The following REDIC1 variants were observed in gnomAD, a reference collection of about 807,000 sequenced individuals.
The protein encoded by REDIC1 is HEI10 Interacting Protein 1.
At chr12:39,713,534 G>T in the REDIC1 span, among the ~76,000 whole-genome samples, 4 of 148,556 alleles carry the variant, frequency 2.7e-5, no homozygotes, top group Non-Finnish European at 4.5e-5. Context: ...ATGTGTACAC[G>T]TACATACGTA....
the REDIC1 span, among the ~76,000 whole-genome samples, chr12:39,730,872 T>C: frequency 6.6e-6 from 1 of 152,196 alleles, no homozygotes; most frequent in African/African-American, 2.4e-5. Context: ...TTTTCTCTAA[T>C]CTTGTCTTCA....
the REDIC1 span, chr12:39,759,247 C>G: frequency 1.3e-5 from 2 of 152,232 alleles, no homozygotes; most frequent in Admixed American, 1.3e-4. Flanking sequence ...CCATAAAAAC[C>G]TTTAATCTGT....
At chr12:39,703,936 T>A in the REDIC1 span, among the ~76,000 whole-genome samples, 3 of 152,140 alleles carry the variant, frequency 2.0e-5, no homozygotes, top group Non-Finnish European at 4.4e-5. Context: ...CAAGATGGAT[T>A]AAAGACTTAA....
the REDIC1 span, among the ~76,000 whole-genome samples, chr12:39,688,612 T>A: frequency 2.6e-5 from 4 of 152,170 alleles, no homozygotes; most frequent in Non-Finnish European, 4.4e-5. Context: ...AGAGATCCAC[T>A]AAACAAATTT....
the REDIC1 span, among the ~76,000 whole-genome samples, chr12:39,878,740 G>GA: frequency 2.0e-5 from 3 of 152,172 alleles, no homozygotes; most frequent in Non-Finnish European, 4.4e-5. Context: ...GGCAGAAAAA[G>GA]AAAAAAGCTT....
the REDIC1 span, among the ~76,000 whole-genome samples, chr12:39,769,544 AG>A: frequency 0.84 from 127,344 of 151,908 alleles, 53,625 homozygotes; most frequent in African/African-American, 0.89. Flanking sequence ...AAAACATTGT[AG>A]GGTGTAGGCT....
the REDIC1 span, among the ~76,000 whole-genome samples, chr12:39,805,167 TGGACG>T: frequency 5.3e-5 from 8 of 149,914 alleles, no homozygotes; most frequent in African/African-American, 1.7e-4. Context: ...AGTTGTGTGT[TGGACG>T]TGGCCAGAAT....
At chr12:39,720,994 C>T in the REDIC1 span, 194 of 1,613,770 alleles carry the variant, frequency 1.2e-4, no homozygotes, top group African/African-American at 2.3e-3. Flanking sequence ...TCAGTTTCCA[C>T]AGTTGCAGTG....
the REDIC1 span, among the ~76,000 whole-genome samples, chr12:39,818,569 A>G: frequency 1.3e-5 from 2 of 152,200 alleles, no homozygotes; most frequent in African/African-American, 2.4e-5. Flanking sequence ...AGCTTATGTG[A>G]CATAGCCCAA....
chr12:39,627,607 C>A, the REDIC1 span, among the ~76,000 whole-genome samples: 1 of 152,230 alleles, frequency 6.6e-6, no homozygotes, highest in Admixed American at 6.5e-5. Flanking sequence ...AGGTGTACTG[C>A]AGCACCTGGA....
chr12:39,704,881 A>T, the REDIC1 span, among the ~76,000 whole-genome samples: 1 of 151,892 alleles, frequency 6.6e-6, no homozygotes, highest in Non-Finnish European at 1.5e-5. Context: ...ATGAGAACAC[A>T]TGGACACAGG....
chr12:39,666,636 A>G, the REDIC1 span, among the ~76,000 whole-genome samples: 1 of 152,150 alleles, frequency 6.6e-6, no homozygotes, highest in Non-Finnish European at 1.5e-5. Context: ...GTTTCAGAAG[A>G]AATGGTACCA....
At chr12:39,745,795 A>G in the REDIC1 span, 1 of 152,216 alleles carries the variant, frequency 6.6e-6, no homozygotes, top group Non-Finnish European at 1.5e-5. Flanking sequence ...TTCACTATAA[A>G]GCTTTTTTGC....
the REDIC1 span, among the ~76,000 whole-genome samples, chr12:39,690,006 A>G: frequency 1.3e-5 from 2 of 152,128 alleles, no homozygotes; most frequent in African/African-American, 4.8e-5. Flanking sequence ...AGGTATGGGG[A>G]CTTTAAATTG....
At chr12:39,769,438 G>C in the REDIC1 span, among the ~76,000 whole-genome samples, 1 of 152,066 alleles carries the variant, frequency 6.6e-6, no homozygotes, top group Non-Finnish European at 1.5e-5. Flanking sequence ...TCTTTTAAAA[G>C]AATTGAAGAT....
chr12:39,683,356 A>G, the REDIC1 span: 3 of 1,315,244 alleles, frequency 2.3e-6, no homozygotes, highest in Non-Finnish European at 3.2e-6. Flanking sequence ...GCTTTGAATT[A>G]AAAAATGAAA....
the REDIC1 span, among the ~76,000 whole-genome samples, chr12:39,768,765 TC>T: frequency 2.0e-5 from 3 of 151,806 alleles, no homozygotes; most frequent in Non-Finnish European, 4.4e-5. Context: ...AATGAAAAAG[TC>T]TGAAATAATG....
the REDIC1 span, among the ~76,000 whole-genome samples, chr12:39,865,073 T>C: frequency 8.6e-3 from 1,313 of 152,310 alleles, 12 homozygotes; most frequent in Non-Finnish European, 0.015. Flanking sequence ...AACTATTCAC[T>C]AGCACGTTCA....
chr12:39,898,203 A>G, the REDIC1 span, among the ~76,000 whole-genome samples: 3 of 152,152 alleles, frequency 2.0e-5, no homozygotes, highest in African/African-American at 7.2e-5. Context: ...GATGGGTTTA[A>G]TGTCTCTTTT....
Sources: gnomAD v4.1 joint callset for allele counts (sites outside exome capture counted in the v4.1 genomes callset) on GRCh38, gnomAD v4.1.1 for gene constraint, MANE v1.5 for transcripts, NCBI Gene and HGNC (gene_info 2026-07-23, HGNC 2026-07-21) for gene names.